CFAP20DC: variants seen among roughly 807,000 people sequenced by gnomAD.
CFAP20DC encodes the protein CFAP20 domain containing.
CFAP20DC carries 84 observed loss-of-function variants against 101.7 expected under a neutral mutation model. That is an observed-to-expected ratio of 0.83 (90% CI 0.69 to 0.99). CFAP20DC has a LOEUF of 0.99. Among genes scored for constraint, CFAP20DC ranks in the 50% least tolerant of loss-of-function variants. The pLI is 0.00. For synonymous variants in CFAP20DC, 359 were observed against 351.2 expected (o/e 1.02, Z -0.25); for missense variants, 1,007 against 970.3 (o/e 1.04, Z -0.50).
At chr3:58,796,706 T>C (rs1187872524) in intron 15 of CFAP20DC, among the ~76,000 whole-genome samples, 2 of 152,174 alleles carry the variant, frequency 1.3e-5, no homozygotes, top group South Asian at 2.1e-4. Context: ...TTTTGCTATA[T>C]TGTTCTTCAC....
chr3:58,810,808 T>C (rs1267176580), intron 14 of CFAP20DC, among the ~76,000 whole-genome samples: 3 of 151,592 alleles, frequency 2.0e-5, no homozygotes, highest in Admixed American at 6.6e-5. Context: ...GAAAACCCCA[T>C]TGTCTCAGTC....
At chr3:59,049,490 T>C in intron 1 of CFAP20DC, 121 bp downstream of exon 1, 2 of 941,846 alleles carry the variant, frequency 2.1e-6, no homozygotes, top group Non-Finnish European at 3.3e-6. Flanking sequence ...TAATTCTGTC[T>C]TACCCCTGAA....
chr3:58,723,428 C>T (rs2067499879), intron 3 of CFAP20DC, among the ~76,000 whole-genome samples: 1 of 152,172 alleles, frequency 6.6e-6, no homozygotes, highest in South Asian at 2.1e-4. Context: ...AGTTGCGCAA[C>T]AGTAAGATGA....
At chr3:58,730,407 T>C (rs1049025351) in intron 3 of CFAP20DC, among the ~76,000 whole-genome samples, 63 of 152,328 alleles carry the variant, frequency 4.1e-4, no homozygotes, top group African/African-American at 1.4e-3. Context: ...CAGGCAGTGG[T>C]AGAAGCAGGC....
At chr3:58,754,936 A>G (rs1454296460) in intron 15 of CFAP20DC, among the ~76,000 whole-genome samples, 1 of 152,158 alleles carries the variant, frequency 6.6e-6, no homozygotes, top group Non-Finnish European at 1.5e-5. Flanking sequence ...CAGAATTAGC[A>G]CTCAATAAAT....
chr3:58,934,336 C>G (rs1212648104), intron 5 of CFAP20DC, among the ~76,000 whole-genome samples: 1 of 152,138 alleles, frequency 6.6e-6, no homozygotes, highest in East Asian at 1.9e-4. Flanking sequence ...CGAATTCTAC[C>G]AGAGGTACAA....
At chr3:58,810,912 A>G in intron 14 of CFAP20DC, among the ~76,000 whole-genome samples, 1 of 151,900 alleles carries the variant, frequency 6.6e-6, no homozygotes, top group Non-Finnish European at 1.5e-5. Context: ...CACCAATAAC[A>G]GGCAAACAGA....
At chr3:58,967,314 G>A (rs2091630440) in intron 4 of CFAP20DC, among the ~76,000 whole-genome samples, 1 of 152,018 alleles carries the variant, frequency 6.6e-6, no homozygotes, top group Non-Finnish European at 1.5e-5. Flanking sequence ...ATATCCACAT[G>A]CAAAAGAAAA....
At position 58,729,945 on chromosome 3, in the gene CFAP20DC, G is replaced by A. The variant is rs561868995; in HGVS notation, c.198-12317C>T. Among the ~76,000 whole-genome samples the A allele has an allele frequency of 6.6e-6, 1 of 150,906 alleles. No individual in the cohort carries two copies. The highest frequency in any genetic ancestry group is 2.1e-4 in the South Asian group (1 of 4,762). ...AGGCAGGAGAATCACTTGAACCCAG[G>A]AGGCAGAGGTTGTGGTGAACTGAGA... On this transcript the variant is annotated intron_variant, in intron 3 of 3. Transcript: ENST00000486145. This position sits in a 1 kb window ranked among gnomAD's most constrained non-coding sequence, Gnocchi z 4.4.
intron 15 of CFAP20DC, among the ~76,000 whole-genome samples, chr3:58,801,184 G>C (rs549934386): frequency 6.6e-6 from 1 of 152,096 alleles, no homozygotes; most frequent in Admixed American, 6.6e-5. Flanking sequence ...TGGAGCATCA[G>C]GGCCCTCAAA....
intron 4 of CFAP20DC, among the ~76,000 whole-genome samples, chr3:59,008,627 G>A (rs769807618): frequency 6.6e-6 from 1 of 151,790 alleles, no homozygotes; most frequent in Non-Finnish European, 1.5e-5. Context: ...ACCAAACACA[G>A]CATGTTCTCA....
At chr3:58,907,231 G>T (rs962639702) in intron 6 of CFAP20DC, among the ~76,000 whole-genome samples, 1 of 151,974 alleles carries the variant, frequency 6.6e-6, no homozygotes, top group African/African-American at 2.4e-5. Flanking sequence ...TTATATGTCG[G>T]CAACCTATGG....
chr3:58,904,257 T>G (rs2083403992), intron 6 of CFAP20DC, among the ~76,000 whole-genome samples: 1 of 152,048 alleles, frequency 6.6e-6, no homozygotes, highest in Admixed American at 6.5e-5. Context: ...ATTGTTATTT[T>G]TAGAGTTTCT....
chr3:59,033,582 A>T (rs560232590), intron 4 of CFAP20DC, among the ~76,000 whole-genome samples: 31 of 152,270 alleles, frequency 2.0e-4, no homozygotes, highest in African/African-American at 7.5e-4. Flanking sequence ...AAATCATTCA[A>T]GCAAAAGAAA....
chr3:58,966,158 G>C (rs1444861826), intron 4 of CFAP20DC, among the ~76,000 whole-genome samples: 2 of 152,174 alleles, frequency 1.3e-5, no homozygotes, highest in African/African-American at 4.8e-5. Context: ...CCACACACAA[G>C]CTTGACAGGT....
chr3:58,824,671 C>T (rs536446325), intron 14 of CFAP20DC: 39 of 152,252 alleles, frequency 2.6e-4, no homozygotes, highest in African/African-American at 8.9e-4. Context: ...GTCTGAGAAC[C>T]TCACCATATG....
In CFAP20DC at chr3:58,864,327, A is replaced by G. The variant is rs958855069; in HGVS notation, c.1259-435T>C. 1.3e-5 allele frequency among the ~76,000 whole-genome samples: 2 copies of G among 152,230 alleles called. No homozygotes were observed. The highest frequency in any genetic ancestry group is 4.8e-5 in the African/African-American group (2 of 41,464). ...TTGAAACAGATTTATCAAATAACGC[A>G]AAGCAAAGGAAGGCAATTTATAGAC... is the stretch of plus-strand genomic sequence containing the variant. On this transcript the variant is annotated intron_variant, in intron 11 of 16. Transcript: ENST00000482387. This position sits in a 1 kb window ranked among gnomAD's most constrained non-coding sequence, Gnocchi z 4.7.
chr3:58,829,679 T>G (rs1260852596), intron 14 of CFAP20DC, among the ~76,000 whole-genome samples: 1 of 152,186 alleles, frequency 6.6e-6, no homozygotes, highest in African/African-American at 2.4e-5. Context: ...GTTATTAAGT[T>G]CATTACCAAA....
chr3:58,721,776 T>A lies in CFAP20DC; in HGVS notation c.198-4148A>T, dbSNP rs112294200. ...GAGATTTCTGCCCTGGGATCTCTAT[T>A]CTTTTCTCAACACATTCCTTTCAGA... On this transcript the variant is annotated intron_variant, in intron 3 of 3. Transcript: ENST00000486145. The surrounding 1 kb of genome is among the most constrained non-coding windows in gnomAD (Gnocchi z 5.2). 3.3e-5 allele frequency among the ~76,000 whole-genome samples: 5 copies of A among 152,314 alleles called. No homozygotes were observed. Among genetic ancestry groups the A allele is most frequent in the African/African-American group, 1.2e-4 (5 of 41,566 alleles).
Sources: allele counts gnomAD v4.1 joint callset (sites outside exome capture counted in the v4.1 genomes callset), GRCh38; gene constraint gnomAD v4.1.1; non-coding constraint Gnocchi (gnomAD v3.1); transcripts MANE v1.5; gene names NCBI Gene and HGNC (gene_info 2026-07-23, HGNC 2026-07-21).